Variants in PTP4A1 observed in about 807,000 individuals in gnomAD.
PTP4A1 encodes protein tyrosine phosphatase 4A1, also known as protein tyrosine phosphatase type IVA 1.
A neutral mutation model predicts 20.5 loss-of-function variants in PTP4A1; 9 were observed. The ratio of observed to expected loss-of-function variants is 0.44; its 90% CI spans 0.26 to 0.77. The LOEUF is 0.77. PTP4A1 is among the 30% of genes least tolerant of loss of function. The pLI is 0.19. For missense variants in PTP4A1, 137 were observed against 218.8 expected (o/e 0.63, Z 2.36); for synonymous variants, 78 against 67.4 (o/e 1.16, Z -0.77).
At chr6:63,545,998 TATG>T (rs1351137577) in intron 2 of PTP4A1, among the ~76,000 whole-genome samples, 4 of 152,218 alleles carry the variant, frequency 2.6e-5, no homozygotes, top group Non-Finnish European at 5.9e-5. Flanking sequence ...AGAACTATTA[TATG>T]ATCCAGCAAT....
intron 2 of PTP4A1, chr6:63,549,507 A>G: frequency 1.4e-6 from 1 of 719,750 alleles, no homozygotes; most frequent in Non-Finnish European, 2.4e-6. Context: ...TCCTTTCGGC[A>G]GGAGGAGAGA....
chr6:63,567,844 A>C (rs1345029536), upstream of PTP4A1, among the ~76,000 whole-genome samples: 1 of 152,212 alleles, frequency 6.6e-6, no homozygotes, highest in Admixed American at 6.5e-5. Flanking sequence ...AAATCTTCTC[A>C]ATAACTTGCT....
chr6:63,559,840 T>A (rs894593146), intron 3 of PTP4A1, among the ~76,000 whole-genome samples: 3 of 152,142 alleles, frequency 2.0e-5, no homozygotes, highest in African/African-American at 4.8e-5. Flanking sequence ...TTGCCCAGGC[T>A]GGTTTCGAAC....
At chr6:63,522,414 T>C (rs931950047) in intron 1 of PTP4A1, among the ~76,000 whole-genome samples, 1 of 152,204 alleles carries the variant, frequency 6.6e-6, no homozygotes, top group Non-Finnish European at 1.5e-5. Context: ...CTGCAGGAGA[T>C]AATTTCATCA....
At chr6:63,529,193 A>ATATATATATGTATATATATGTGTG (rs1562112486) in intron 2 of PTP4A1, among the ~76,000 whole-genome samples, 10 of 140,960 alleles carry the variant, frequency 7.1e-5, no homozygotes, top group African/African-American at 1.1e-4. Context: ...ATATGTGTGT[A>ATATATATATGTATATATATGTGTG]TATATATATA....
At chr6:63,573,387 C>T (rs1183693019) in intron 1 of PTP4A1, 1 of 152,422 alleles carries the variant, frequency 6.6e-6, no homozygotes, top group African/African-American at 2.4e-5. Flanking sequence ...GGGACAGCCA[C>T]TGGGTGCAGC....
chr6:63,567,065 T>C (rs1777222260), intron 3 of PTP4A1, among the ~76,000 whole-genome samples: 1 of 152,202 alleles, frequency 6.6e-6, no homozygotes. Flanking sequence ...ACTCCAATTG[T>C]CTTGCTATTT....
intron 2 of PTP4A1, among the ~76,000 whole-genome samples, chr6:63,547,878 C>T (rs1471091662): frequency 5.3e-5 from 8 of 152,118 alleles, no homozygotes; most frequent in Non-Finnish European, 1.2e-4. Context: ...TTGCACTTTC[C>T]AACACTTATT....
chr6:63,516,534 T>C, the PTP4A1 span, among the ~76,000 whole-genome samples: 2 of 152,192 alleles, frequency 1.3e-5, no homozygotes, highest in Non-Finnish European at 2.9e-5. Context: ...AGTAAGTCCA[T>C]TTAACTTCTT....
At chr6:63,530,690 A>G (rs1775415412) in intron 2 of PTP4A1, among the ~76,000 whole-genome samples, 1 of 152,218 alleles carries the variant, frequency 6.6e-6, no homozygotes, top group Non-Finnish European at 1.5e-5. Flanking sequence ...AATAAAACAT[A>G]TACATAGAAA....
At chr6:63,546,805 C>A (rs941861746) in intron 2 of PTP4A1, among the ~76,000 whole-genome samples, 1 of 152,038 alleles carries the variant, frequency 6.6e-6, no homozygotes, top group Admixed American at 6.6e-5. Context: ...ATGTGTTACA[C>A]ACCTGAAAAT....
chr6:63,528,919 T>A (rs1775312754), intron 2 of PTP4A1, among the ~76,000 whole-genome samples: 1 of 151,922 alleles, frequency 6.6e-6, no homozygotes, highest in African/African-American at 2.4e-5. Flanking sequence ...TGAAACCCCA[T>A]CTCTGCTAAA....
chr6:63,529,191 GTA>G (rs550043262), intron 2 of PTP4A1, among the ~76,000 whole-genome samples: 1,922 of 141,786 alleles, frequency 0.014, 25 homozygotes, highest in African/African-American at 0.029. Context: ...ATATATGTGT[GTA>G]TATATATATA....
At chr6:63,545,258 C>G (rs1776132846) in intron 2 of PTP4A1, among the ~76,000 whole-genome samples, 1 of 152,222 alleles carries the variant, frequency 6.6e-6, no homozygotes, top group African/African-American at 2.4e-5. Context: ...CTTTTCATGT[C>G]TTTTCCTTCT....
chr6:63,559,842 G>A (rs531516691), intron 3 of PTP4A1, among the ~76,000 whole-genome samples: 1 of 152,240 alleles, frequency 6.6e-6, no homozygotes, highest in South Asian at 2.1e-4. Flanking sequence ...GCCCAGGCTG[G>A]TTTCGAACTC....
Position 63,560,804 on chromosome 6 carries a change from C to T in PTP4A1, c.-446+10311C>T, listed in dbSNP as rs548354414. 2.6e-5 allele frequency among the ~76,000 whole-genome samples: 4 copies of T among 152,290 alleles called. No homozygotes were observed. The South Asian group carries it at 8.3e-4, about 32-fold the overall frequency. ...GCTTGCTCTCAGTTTCTATGCTTAT[C>T]TCCTCTCAGACCAGTAACAGTTCAT... On this transcript the variant is annotated intron_variant, in intron 3 of 3. Coordinates refer to the PTP4A1 transcript ENST00000639568.
intron 2 of PTP4A1, among the ~76,000 whole-genome samples, chr6:63,533,008 T>G (rs930779426): frequency 2.5e-4 from 38 of 152,162 alleles, no homozygotes; most frequent in African/African-American, 9.2e-4. Flanking sequence ...AGACACTGCC[T>G]TTGAAGAGCT....
chr6:63,548,347 G>C (rs989997230), intron 2 of PTP4A1, among the ~76,000 whole-genome samples: 1 of 152,204 alleles, frequency 6.6e-6, no homozygotes, highest in Non-Finnish European at 1.5e-5. Flanking sequence ...TCATGGGTTT[G>C]TTGTGAGGAT....
At chr6:63,526,606 G>A (rs970007457) in intron 1 of PTP4A1, among the ~76,000 whole-genome samples, 1 of 150,926 alleles carries the variant, frequency 6.6e-6, no homozygotes, top group African/African-American at 2.4e-5. Flanking sequence ...TAAGGAGATC[G>A]AGACCATCCT....
Sources: gnomAD v4.1 joint callset for allele counts (sites outside exome capture counted in the v4.1 genomes callset) on GRCh38, gnomAD v4.1.1 for gene constraint, MANE v1.5 for transcripts, NCBI Gene and HGNC (gene_info 2026-07-23, HGNC 2026-07-21) for gene names.